Variants in HORMAD2 observed in about 807,000 individuals in gnomAD.
HORMAD2 encodes the protein HORMA domain containing 2, also known as HORMA domain-containing protein 2.
In HORMAD2, 45 loss-of-function variants were observed where a neutral mutation model predicts 38.8. The ratio of observed to expected loss-of-function variants is 1.16; its 90% CI spans 0.91 to 1.49. The LOEUF (loss-of-function observed/expected upper bound fraction) is 1.49, where lower values mean the gene tolerates loss of function less well. HORMAD2 is among the 40% of genes most tolerant of loss of function. The probability of loss-of-function intolerance (pLI) is 0.00; values close to 1 mark genes in which losing one functional copy is unlikely to be tolerated. For missense variants in HORMAD2, 338 were observed against 367.0 expected, an observed-to-expected ratio of 0.92 and a Z score of 0.65; for synonymous variants, 126 against 122.8, an observed-to-expected ratio of 1.03 and a Z score of -0.17.
chr22:30,093,310 G>A (rs558433428), intron 1 of HORMAD2, among the ~76,000 whole-genome samples: 4 of 152,118 alleles, frequency 2.6e-5, no homozygotes, highest in South Asian at 4.1e-4. Flanking sequence ...ATTTTAATGG[G>A]TATGAAGTAT....
At chr22:30,107,285 T>C (rs755992325) in intron 5 of HORMAD2, among the ~76,000 whole-genome samples, 12 of 152,244 alleles carry the variant, frequency 7.9e-5, no homozygotes, top group Non-Finnish European at 1.6e-4. Flanking sequence ...TTACTAAATG[T>C]CTACCTGTAT....
chr22:30,101,071 T>C (rs907975086), intron 3 of HORMAD2, among the ~76,000 whole-genome samples: 7 of 152,160 alleles, frequency 4.6e-5, no homozygotes, highest in African/African-American at 1.7e-4. Context: ...GACCAAGTAA[T>C]CCCATTACTG....
downstream of HORMAD2, among the ~76,000 whole-genome samples, chr22:30,177,411 C>A (rs993343695): frequency 1.3e-5 from 2 of 152,208 alleles, no homozygotes; most frequent in African/African-American, 4.8e-5. Context: ...CTAGGGCAGC[C>A]TACCAAACTG....
At chr22:30,095,368 A>G (rs2068763380) in intron 2 of HORMAD2, among the ~76,000 whole-genome samples, 1 of 152,220 alleles carries the variant, frequency 6.6e-6, no homozygotes, top group Admixed American at 6.5e-5. Context: ...TAGGTTTGCT[A>G]AAGGCTTTAA....
the HORMAD2 span, among the ~76,000 whole-genome samples, chr22:30,202,994 G>T: frequency 6.6e-6 from 1 of 152,322 alleles, no homozygotes; most frequent in African/African-American, 2.4e-5. Flanking sequence ...GGCCTACAGA[G>T]GTGCACACGG....
At chr22:30,180,909 C>T (rs1238459359), downstream of HORMAD2, among the ~76,000 whole-genome samples, 2 of 134,674 alleles carry the variant, frequency 1.5e-5, no homozygotes, top group African/African-American at 2.9e-5. Flanking sequence ...CTTTCCCTTT[C>T]CCTTTCCCTT....
the HORMAD2 span, among the ~76,000 whole-genome samples, chr22:30,186,358 C>CTTT: frequency 0.013 from 1,724 of 132,946 alleles, 31 homozygotes; most frequent in African/African-American, 0.045. Context: ...TCCTTCTGTC[C>CTTT]TTTTTTTTTT....
intron 10 of HORMAD2, among the ~76,000 whole-genome samples, chr22:30,164,984 TG>T (rs1226579997): frequency 6.6e-6 from 1 of 152,224 alleles, no homozygotes; most frequent in Non-Finnish European, 1.5e-5. Context: ...CTTTTGCCTT[TG>T]TTTTTTGTGT....
At chr22:30,158,503 CCTT>C (rs144233769) in intron 10 of HORMAD2, among the ~76,000 whole-genome samples, 2,038 of 149,912 alleles carry the variant, frequency 0.014, 36 homozygotes, top group African/African-American at 0.047. Context: ...TTCTTTCTTT[CCTT>C]CTTTCTTTTT....
At position 30,154,640 on chromosome 22, in the gene HORMAD2, T is replaced by TCCTC. The variant is rs1023574245; in HGVS notation, c.820-21422_820-21419dup. On this transcript the variant is annotated intron_variant, in intron 10 of 10. Coordinates refer to ENST00000336726, the MANE Select transcript of HORMAD2 (RefSeq NM_152510.4). ...TTAGCTTCCCTTAGCTTGGAACAGGTCCTCAGTCCTTCCTTGACTTTCATG... is the reference window on the plus strand; with the variant it reads ...TTAGCTTCCCTTAGCTTGGAACAGGTCCTCCCTCAGTCCTTCCTTGACTTTCATG... 1.1e-4 allele frequency among the ~76,000 whole-genome samples: 17 copies of TCCTC among 152,202 alleles called. 3 individuals are homozygous for TCCTC. Among genetic ancestry groups the TCCTC allele is most frequent in the Admixed American group, 1.1e-3 (17 of 15,276 alleles).
chr22:30,146,816 C>T (rs1487965297), intron 10 of HORMAD2, among the ~76,000 whole-genome samples: 1 of 152,102 alleles, frequency 6.6e-6, no homozygotes, highest in Non-Finnish European at 1.5e-5. Context: ...ACAAGAAAGA[C>T]ACCACCAGAA....
chr22:30,103,546 C>A (rs889589530), intron 4 of HORMAD2, 46 bp downstream of exon 4: 3 of 982,952 alleles, frequency 3.1e-6, no homozygotes, highest in South Asian at 1.5e-5. Flanking sequence ...TTATTTTTAT[C>A]ATGGCTGAAA....
At chr22:30,185,001 C>T in the HORMAD2 span, among the ~76,000 whole-genome samples, 1 of 152,200 alleles carries the variant, frequency 6.6e-6, no homozygotes, top group South Asian at 2.1e-4. Context: ...TCTTAGTTCT[C>T]TATTCCACTG....
At chr22:30,177,311 C>A (rs1926511632), downstream of HORMAD2, among the ~76,000 whole-genome samples, 1 of 152,130 alleles carries the variant, frequency 6.6e-6, no homozygotes. Flanking sequence ...GACCTCTGAC[C>A]CAGACTAAAG....
intron 3 of HORMAD2, among the ~76,000 whole-genome samples, chr22:30,100,575 A>C (rs1416099694): frequency 6.6e-6 from 1 of 152,224 alleles, no homozygotes; most frequent in Non-Finnish European, 1.5e-5. Context: ...AAAAGCCAAA[A>C]TAGACAAATG....
Position 30,122,160 on chromosome 22 carries a change from T to C in HORMAD2, c.765T>C (p.Thr255=), listed in dbSNP as rs374354454. The change falls in exon 10 of 11, where the codon ACT becomes ACC. Residue 255 remains threonine, a synonymous_variant. Coordinates refer to ENST00000336726, the MANE Select transcript of HORMAD2 (RefSeq NM_152510.4). ...ENNLFRENST[T]EIAHQGLDCD... is the part of the protein sequence containing the mutation. ...ATCTGTTTCGGGAGAACAGCACTACTGAGATCGCCCATCAGGGTCTAGACT... is the reference window on the plus strand; with the variant it reads ...ATCTGTTTCGGGAGAACAGCACTACCGAGATCGCCCATCAGGGTCTAGACT... The C allele has an allele frequency of 1.9e-6, 3 of 1,613,338 alleles. No individual in the cohort carries two copies. Among genetic ancestry groups the C allele is most frequent in the African/African-American group, 2.7e-5 (2 of 74,924 alleles).
the HORMAD2 span, among the ~76,000 whole-genome samples, chr22:30,206,811 G>C: frequency 6.6e-6 from 1 of 152,122 alleles, no homozygotes; most frequent in African/African-American, 2.4e-5. Context: ...TCTGACCATG[G>C]AGCCAGAACT....
At chr22:30,159,256 C>A (rs1925298228) in intron 10 of HORMAD2, among the ~76,000 whole-genome samples, 1 of 152,196 alleles carries the variant, frequency 6.6e-6, no homozygotes, top group African/African-American at 2.4e-5. Context: ...TCACTCTGCT[C>A]TCTGGCCCAG....
At chr22:30,139,991 G>A (rs1219799623) in intron 10 of HORMAD2, among the ~76,000 whole-genome samples, 1 of 151,846 alleles carries the variant, frequency 6.6e-6, no homozygotes, top group African/African-American at 2.4e-5. Context: ...ATTGCTAGAT[G>A]TTTTCCTAGT....
Sources: allele counts gnomAD v4.1 joint callset (sites outside exome capture counted in the v4.1 genomes callset), GRCh38; gene constraint gnomAD v4.1.1; transcripts MANE v1.5; gene names NCBI Gene and HGNC (gene_info 2026-07-23, HGNC 2026-07-21).